Variants in EIF2AK4 observed in about 807,000 individuals in gnomAD.
The protein encoded by EIF2AK4 is eIF-2-alpha kinase GCN2.
A neutral mutation model predicts 211.1 loss-of-function variants in EIF2AK4; 139 were observed. That is an observed-to-expected ratio of 0.66 (90% confidence interval 0.57 to 0.76). EIF2AK4 has a LOEUF of 0.76. Among genes scored for constraint, EIF2AK4 ranks in the 30% least tolerant of loss-of-function variants. The pLI, the probability that EIF2AK4 is intolerant of heterozygous loss-of-function variation, is 0.00. For synonymous variants in EIF2AK4, 710 were observed against 751.3 expected (o/e 0.94, Z 0.90); for missense variants, 1,664 against 2,043.8 (o/e 0.81, Z 3.58).
intron 6 of EIF2AK4, 91 bp from the exon 7 acceptor site, chr15:39,961,693 G>A: frequency 2.1e-6 from 2 of 971,976 alleles, no homozygotes; most frequent in Non-Finnish European, 3.1e-6. Flanking sequence ...GGGCATTCTT[G>A]CCTATGTTAA....
chr15:40,029,453 C>T lies in EIF2AK4; in HGVS notation c.4550C>T (p.Ser1517Phe). 1 of 1,613,170 alleles carries T rather than the reference C, an allele frequency of 6.2e-7. No homozygotes were observed. Among genetic ancestry groups the T allele is most frequent in the Non-Finnish European group, 8.5e-7 (1 of 1,179,798 alleles). Residue 1517 changes from serine (S) to phenylalanine (F), a missense_variant, in exon 34 of 39, where the codon TCT (serine) becomes TTT (phenylalanine). Transcript: ENST00000263791. ...GTGCAAAATCTGAAGGGGTCATTTT[C>T]TAATGCTTCAGGTATAATTACTAAT... ...LAVQNLKGSF[S>F]NASGLFEIHG...
At chr15:40,011,572 G>A (rs1480354671) in intron 27 of EIF2AK4, among the ~76,000 whole-genome samples, 6 of 152,122 alleles carry the variant, frequency 3.9e-5, no homozygotes, top group South Asian at 4.1e-4. Flanking sequence ...TTCTTGATAC[G>A]CTGTAATCAT....
intron 12 of EIF2AK4, 133 bp downstream of exon 12, chr15:39,976,977 GTC>G: frequency 8.6e-7 from 1 of 1,159,192 alleles, no homozygotes; most frequent in Non-Finnish European, 1.1e-6. Flanking sequence ...TTGAGATAGG[GTC>G]TTGCTCTGTC....
intron 14 of EIF2AK4, among the ~76,000 whole-genome samples, chr15:39,986,786 C>T (rs754616867): frequency 2.2e-4 from 33 of 152,066 alleles, no homozygotes; most frequent in Non-Finnish European, 3.4e-4. Context: ...ACCCAGGAAG[C>T]GGAGGTTGCA....
At chr15:39,982,288 C>T (rs1026754096) in intron 13 of EIF2AK4, among the ~76,000 whole-genome samples, 1 of 152,150 alleles carries the variant, frequency 6.6e-6, no homozygotes, top group Non-Finnish European at 1.5e-5. Context: ...CTAAGCCTAC[C>T]ACCAAAAAAT....
chr15:39,960,741 A>G (rs2034460023), intron 6 of EIF2AK4, among the ~76,000 whole-genome samples: 1 of 152,142 alleles, frequency 6.6e-6, no homozygotes, highest in South Asian at 2.1e-4. Context: ...TAACTAATAG[A>G]CTAAGATCCC....
intron 7 of EIF2AK4, among the ~76,000 whole-genome samples, chr15:39,965,160 C>T (rs372192223): frequency 1.3e-5 from 2 of 152,154 alleles, no homozygotes; most frequent in African/African-American, 4.8e-5. Flanking sequence ...TTGCTCTTGT[C>T]GCCCAGGCTG....
intron 13 of EIF2AK4, among the ~76,000 whole-genome samples, chr15:39,982,090 A>G (rs2034797698): frequency 6.6e-6 from 1 of 152,042 alleles, no homozygotes; most frequent in African/African-American, 2.4e-5. Context: ...ATGCCCGGCT[A>G]ATTTTTTGTA....
intron 38 of EIF2AK4, 30 bp downstream of exon 38, chr15:40,034,474 C>A: frequency 6.4e-7 from 1 of 1,557,988 alleles, no homozygotes; most frequent in South Asian, 1.1e-5. Context: ...TAGCAGGGTT[C>A]ACATGGTTAA....
Position 39,949,157 on chromosome 15 carries a change from C to T in EIF2AK4, c.402C>T (p.Leu134=). The stretch of plus-strand genomic sequence containing the variant: ...TGGCTTACCACGTGCAGTCATTTCT[C>T]AGCGAGCATAACAAGCCCCCTCCCA... The part of the protein sequence containing the change: ...FELAYHVQSF[L]SEHNKPPPKS... The change falls in exon 4 of 39, where the codon CTC becomes CTT. Residue 134 remains leucine, a synonymous_variant. Transcript: ENST00000263791. 1 of 1,614,006 alleles carries T rather than the reference C, an allele frequency of 6.2e-7. No individual in the cohort carries two copies. Among genetic ancestry groups the T allele is most frequent in the Non-Finnish European group, 8.5e-7 (1 of 1,179,990 alleles).
intron 37 of EIF2AK4, among the ~76,000 whole-genome samples, chr15:40,033,456 T>C (rs561506354): frequency 6.6e-6 from 1 of 152,284 alleles, no homozygotes; most frequent in South Asian, 2.1e-4. Context: ...CTTTAAAAAT[T>C]TGAATAGTTA....
intron 33 of EIF2AK4, 150 bp from the exon 34 acceptor site, chr15:40,029,256 T>C: frequency 7.3e-7 from 1 of 1,365,740 alleles, no homozygotes; most frequent in Non-Finnish European, 9.5e-7. Context: ...TAAATGCAAA[T>C]TTTTTGTTTT....
At chr15:40,019,693 A>G (rs920611604) in intron 30 of EIF2AK4, among the ~76,000 whole-genome samples, 3 of 151,588 alleles carry the variant, frequency 2.0e-5, no homozygotes, top group Admixed American at 2.0e-4. Context: ...TCCCCTCCCA[A>G]CCCCCGCACC....
In EIF2AK4 at chr15:40,001,374, T is replaced by C. The variant is rs916778793; in HGVS notation, c.3159+150T>C. 6.6e-6 allele frequency: 5 copies of C among 762,474 alleles called. No individual in the cohort carries two copies. In the African/African-American group the frequency reaches 7.0e-5, roughly 11 times the overall value. 47.2% of individuals were successfully genotyped at this position (762,474 alleles called of 1,614,324 possible). A position where few individuals can be genotyped will look rare whatever the true frequency, so the allele number is the denominator to read the frequency against. On this transcript the variant is annotated intron_variant, in intron 21 of 38. Transcript: ENST00000263791. ...AAAGTACATGCAAAATGTGTGTATA[T>C]GCATTCAGGGAAGAGGACCCATACT...
At position 40,016,356 on chromosome 15, in the gene EIF2AK4, T is replaced by C. The variant is rs564939384; in HGVS notation, c.3760-146T>C. On this transcript the variant is annotated intron_variant, in intron 27 of 38. Coordinates refer to ENST00000263791, the MANE Select transcript of EIF2AK4 (RefSeq NM_001013703.4). ...GGAAAAGGATAATCCTTAGTCAGGA[T>C]TGTGGCAAAGCCTAAAATAATCTTT... The C allele has an allele frequency of 2.0e-4, 196 of 977,410 alleles. No homozygotes were observed. The South Asian group carries it at 3.1e-3, about 15-fold the overall frequency. 60.5% of individuals were successfully genotyped at this position (977,410 alleles called of 1,614,324 possible).
chr15:39,988,475 A>G (rs1832611039), intron 15 of EIF2AK4, among the ~76,000 whole-genome samples: 1 of 152,202 alleles, frequency 6.6e-6, no homozygotes. Context: ...TAAAAATTAC[A>G]TGAAATTCAA....
chr15:39,985,178 A>C (rs2034847561), intron 13 of EIF2AK4, among the ~76,000 whole-genome samples: 1 of 152,232 alleles, frequency 6.6e-6, no homozygotes, highest in South Asian at 2.1e-4. Context: ...ATATTGAACC[A>C]GCCTTGCATC....
intron 9 of EIF2AK4, among the ~76,000 whole-genome samples, chr15:39,971,299 A>G (rs1335005860): frequency 1.3e-5 from 2 of 152,124 alleles, no homozygotes; most frequent in Non-Finnish European, 2.9e-5. Flanking sequence ...TGAGGCAGGC[A>G]GATCACTTGA....
intron 3 of EIF2AK4, among the ~76,000 whole-genome samples, chr15:39,947,493 T>C (rs985720339): frequency 6.6e-6 from 1 of 152,246 alleles, no homozygotes; most frequent in Non-Finnish European, 1.5e-5. Flanking sequence ...AGCCAAAGTT[T>C]ATTTTTTTAT....
Sources: gnomAD v4.1 joint callset for allele counts (sites outside exome capture counted in the v4.1 genomes callset) on GRCh38, gnomAD v4.1.1 for gene constraint, MANE v1.5 for transcripts, NCBI Gene and HGNC (gene_info 2026-07-23, HGNC 2026-07-21) for gene names.